The following STOX2 variants were observed in gnomAD, a reference collection of about 807,000 sequenced individuals.
STOX2 encodes storkhead-box protein 2.
In STOX2, 28 loss-of-function variants were observed where a neutral mutation model predicts 60.9. The ratio of observed to expected loss-of-function variants is 0.46; its 90% CI spans 0.34 to 0.63. The LOEUF is 0.63. Ranked by LOEUF, STOX2 falls within the 30% of genes least tolerant of loss-of-function variation. The probability of loss-of-function intolerance (pLI) is 0.01; values close to 1 mark genes in which losing one functional copy is unlikely to be tolerated. For missense variants in STOX2, 1,024 were observed against 1,187.7 expected (o/e 0.86, Z 2.03); for synonymous variants, 472 against 463.9 (o/e 1.02, Z -0.22).
chr4:183,839,787 A>G (rs1739807749), intron 1 of STOX2, among the ~76,000 whole-genome samples: 2 of 152,364 alleles, frequency 1.3e-5, no homozygotes, highest in South Asian at 4.1e-4. Context: ...TAAGTTACAT[A>G]TGGTGATGTG....
At chr4:183,951,207 T>C (rs1430564931) in intron 1 of STOX2, among the ~76,000 whole-genome samples, 1 of 132,286 alleles carries the variant, frequency 7.6e-6, no homozygotes, top group Non-Finnish European at 1.6e-5. Flanking sequence ...AGAGCGAGAC[T>C]CCGTCTCAAA....
At chr4:183,901,896 T>C (rs892036043), upstream of STOX2, among the ~76,000 whole-genome samples, 6 of 152,366 alleles carry the variant, frequency 3.9e-5, no homozygotes, top group Middle Eastern at 3.4e-3. Flanking sequence ...GTCTTTTCTC[T>C]GTTGACAGTG....
upstream of STOX2, among the ~76,000 whole-genome samples, chr4:183,905,032 G>A (rs1741548353): frequency 1.3e-5 from 2 of 152,208 alleles, no homozygotes; most frequent in African/African-American, 4.8e-5. Flanking sequence ...CAAATGCAGC[G>A]CTGAAAAAGG....
At chr4:183,922,764 C>G (rs1742139277) in intron 1 of STOX2, among the ~76,000 whole-genome samples, 1 of 152,150 alleles carries the variant, frequency 6.6e-6, no homozygotes, top group African/African-American at 2.4e-5. Context: ...AGAACTGAAA[C>G]TCTGCACCTA....
rs1336130054 is a variant in STOX2, at chr4:184,010,523, G to A, written c.1685G>A (p.Gly562Asp). 1 of 1,613,880 alleles carries A rather than the reference G, an allele frequency of 6.2e-7. No individual in the cohort carries two copies. Among genetic ancestry groups the A allele is most frequent in the Admixed American group, 1.7e-5 (1 of 60,012 alleles). The change falls in exon 3 of 4, where the codon GGC becomes GAC. Residue 562 changes from glycine (G) to aspartate (D), a missense_variant. Coordinates refer to ENST00000308497, the MANE Select transcript of STOX2 (RefSeq NM_020225.3). The surrounding 1 kb of genome is among the most constrained non-coding windows in gnomAD (Gnocchi z 4.5). ...KEVCIPEIVS[G>D]SKEPSSACSL... ...GTGTGTATTCCAGAGATAGTCAGTG[G>A]CAGCAAGGAACCGTCCAGCGCTTGC...
intron 3 of STOX2, among the ~76,000 whole-genome samples, chr4:184,013,151 C>T (rs1305388850): frequency 1.3e-5 from 2 of 152,186 alleles, no homozygotes; most frequent in African/African-American, 4.8e-5. Context: ...AGCTGCCGTA[C>T]TAAAGAGATA....
At chr4:183,949,612 C>T (rs931850899) in intron 1 of STOX2, among the ~76,000 whole-genome samples, 13 of 152,228 alleles carry the variant, frequency 8.5e-5, no homozygotes, top group South Asian at 2.1e-4. Context: ...GCAGGAGAAT[C>T]GCTTGAACCC....
At position 184,009,563 on chromosome 4, in the gene STOX2, G is replaced by T. The variant is rs1052868421; in HGVS notation, c.725G>T (p.Ser242Ile). 6.2e-7 allele frequency: 1 copy of T among 1,613,762 alleles called. No individual in the cohort carries two copies. The highest frequency in any genetic ancestry group is 1.3e-5 in the African/African-American group (1 of 74,924). The change falls in exon 3 of 4, where the codon AGT becomes ATT. Residue 242 changes from serine to isoleucine, a missense_variant. By Grantham distance (142) the Ser-to-Ile change is moderately radical. Around this residue, in one of 3 missense-constraint regions of STOX2, gnomAD observed 922 missense variants for 1,058.3 expected, o/e 0.87. Coordinates refer to ENST00000308497, the MANE Select transcript of STOX2 (RefSeq NM_020225.3). This position sits in a 1 kb window ranked among gnomAD's most constrained non-coding sequence, Gnocchi z 4.0. ...GTGCCACCCACTGAAAAGAGCAAAA[G>T]TACTGTAAATTTTTCCTATAAGACA... ...CQVPPTEKSK[S>I]TVNFSYKTET...
intron 1 of STOX2, among the ~76,000 whole-genome samples, chr4:183,970,873 A>T (rs1743722870): frequency 1.3e-5 from 2 of 152,226 alleles, no homozygotes; most frequent in Admixed American, 1.3e-4. Flanking sequence ...CATCCTGCCA[A>T]ATACTCAAGA....
chr4:183,803,879 C>T (rs1440596469), intron 1 of STOX2, among the ~76,000 whole-genome samples: 1 of 152,118 alleles, frequency 6.6e-6, no homozygotes, highest in Admixed American at 6.5e-5. Context: ...AGGAGAATCG[C>T]TTGAACCTGG....
intron 1 of STOX2, among the ~76,000 whole-genome samples, chr4:183,957,712 A>T (rs936330873): frequency 1.3e-5 from 2 of 152,176 alleles, no homozygotes; most frequent in African/African-American, 4.8e-5. Flanking sequence ...ACACTAAATG[A>T]TGTTCCATGT....
intron 1 of STOX2, among the ~76,000 whole-genome samples, chr4:183,900,252 A>G (rs1163094884): frequency 1.3e-5 from 2 of 152,240 alleles, no homozygotes; most frequent in Non-Finnish European, 2.9e-5. Flanking sequence ...TGCTGTTTTC[A>G]TGCCTGATAA....
rs1347326882 is a variant in STOX2, at chr4:183,856,348, G to A, written c.364+58293G>A. Among the ~76,000 whole-genome samples the A allele has an allele frequency of 3.9e-5, 6 of 152,192 alleles. No homozygotes were observed. The South Asian group carries it at 6.2e-4, about 16-fold the overall frequency. On this transcript the variant is annotated intron_variant, in intron 1 of 2. Coordinates refer to the STOX2 transcript ENST00000513034. This position sits in a 1 kb window ranked among gnomAD's most constrained non-coding sequence, Gnocchi z 4.0. ...ACACTAACAGAAGAGCACCCTTCAG[G>A]AGAACAGACGCAAATACGCACAAAC... is the stretch of plus-strand genomic sequence containing the variant.
chr4:183,930,588 G>T (rs1276958081), intron 1 of STOX2, among the ~76,000 whole-genome samples: 2 of 147,726 alleles, frequency 1.4e-5, no homozygotes, highest in East Asian at 2.1e-4. Context: ...CAACTCTTTT[G>T]TTCAAGCCAT....
chr4:183,963,061 A>G (rs1161130640), intron 1 of STOX2, among the ~76,000 whole-genome samples: 3 of 152,208 alleles, frequency 2.0e-5, no homozygotes, highest in Non-Finnish European at 4.4e-5. Context: ...TTCTACACTC[A>G]TTGGGGTAAC....
intron 1 of STOX2, among the ~76,000 whole-genome samples, chr4:183,921,689 G>T (rs905717375): frequency 6.6e-6 from 1 of 152,166 alleles, no homozygotes; most frequent in African/African-American, 2.4e-5. Flanking sequence ...GGAAACCCCA[G>T]CTCTTTAGAA....
chr4:183,877,269 C>A (rs7686859), intron 1 of STOX2, among the ~76,000 whole-genome samples: 78,373 of 152,042 alleles, frequency 0.52, 20,824 homozygotes, highest in East Asian at 0.6. Context: ...GGGACCAGCA[C>A]GTCAGCATCT....
chr4:183,946,531 A>C (rs1212271015), intron 1 of STOX2, among the ~76,000 whole-genome samples: 2 of 152,098 alleles, frequency 1.3e-5, no homozygotes, highest in Non-Finnish European at 2.9e-5. Context: ...GTGGATCAAA[A>C]ATATTTGGAA....
rs1469945044 is a variant in STOX2 at position 184,022,133 on chromosome 4, A to G, written c.*4849A>G. On this transcript the variant is annotated 3_prime_UTR_variant, in exon 4 of 4. Transcript: ENST00000308497. ...ATTACTATTGGTCTGAGCTTTGCCA[A>G]GTGAGATAGAATCAACTGTCACCCC... The G allele has an allele frequency of 6.6e-6, 1 of 152,228 alleles. No homozygotes were observed. Among genetic ancestry groups the G allele is most frequent in the Non-Finnish European group, 1.5e-5 (1 of 68,038 alleles). The allele number at this position is 152,228 out of a possible 1,614,324, so 9.4% of individuals were successfully genotyped here.
Sources: allele counts gnomAD v4.1 joint callset (sites outside exome capture counted in the v4.1 genomes callset), GRCh38; gene constraint gnomAD v4.1.1; regional missense constraint gnomAD v4.1.1; non-coding constraint Gnocchi (gnomAD v3.1); transcripts MANE v1.5; gene names NCBI Gene and HGNC (gene_info 2026-07-23, HGNC 2026-07-21).